Variants in PARN observed in about 807,000 individuals in gnomAD.
The protein encoded by PARN is poly(A)-specific ribonuclease.
In PARN, 71 loss-of-function variants were observed where a neutral mutation model predicts 102.8. That is an observed-to-expected ratio of 0.69 (90% CI 0.57 to 0.84). The LOEUF is 0.84. Among genes scored for constraint, PARN ranks in the 40% least tolerant of loss-of-function variants. The pLI, the probability that PARN is intolerant of heterozygous loss-of-function variation, is 0.00. For synonymous variants in PARN, 261 were observed against 252.9 expected (o/e 1.03, Z -0.30); for missense variants, 782 against 760.9 (o/e 1.03, Z -0.33).
At chr16:14,520,098 A>C (rs1965659192) in intron 21 of PARN, among the ~76,000 whole-genome samples, 1 of 152,256 alleles carries the variant, frequency 6.6e-6, no homozygotes, top group African/African-American at 2.4e-5. Flanking sequence ...AAAGGAGGAC[A>C]AAAGAATATA....
chr16:14,500,636 C>A (rs1289434253), intron 21 of PARN, among the ~76,000 whole-genome samples: 1 of 152,178 alleles, frequency 6.6e-6, no homozygotes, highest in Admixed American at 6.5e-5. Flanking sequence ...GATTCTAATT[C>A]TAAAGTGCTA....
At chr16:14,549,999 G>A (rs1214668458) in intron 21 of PARN, among the ~76,000 whole-genome samples, 1 of 152,088 alleles carries the variant, frequency 6.6e-6, no homozygotes, top group Non-Finnish European at 1.5e-5. Context: ...TCCTTTTATC[G>A]GGCTGCACAG....
In PARN at chr16:14,446,901, C is replaced by T. The variant is rs1961223168; in HGVS notation, c.1851G>A (p.Glu617=). The T allele has an allele frequency of 6.2e-7, 1 of 1,612,370 alleles. No individual in the cohort carries two copies. Among genetic ancestry groups the T allele is most frequent in the Non-Finnish European group, 8.5e-7 (1 of 1,179,044 alleles). Residue 617 remains glutamate, a synonymous_variant, in exon 23 of 24, where the codon GAG becomes GAA. Coordinates refer to ENST00000437198, the MANE Select transcript of PARN (RefSeq NM_002582.4). ...TCCAATACAAACCTGCTGGAGAAAG[C>T]TCCTTCTTCATTCTTTTTAATTTCT... ...KAKKLKRMKK[E]LSPAGSISKN...
intron 10 of PARN, among the ~76,000 whole-genome samples, chr16:14,604,451 G>A (rs1015269875): frequency 1.3e-5 from 2 of 151,698 alleles, no homozygotes; most frequent in Non-Finnish European, 2.9e-5. Context: ...AGTAGAGACG[G>A]AGTTTCTCCA....
At chr16:14,532,623 C>G (rs549351336) in intron 21 of PARN, among the ~76,000 whole-genome samples, 19 of 152,228 alleles carry the variant, frequency 1.2e-4, no homozygotes, top group African/African-American at 4.1e-4. Flanking sequence ...ACCTTTCCCC[C>G]CTTTCTACTC....
At chr16:14,570,730 A>T (rs561867576) in intron 18 of PARN, among the ~76,000 whole-genome samples, 3 of 150,716 alleles carry the variant, frequency 2.0e-5, no homozygotes, top group Non-Finnish European at 4.4e-5. Context: ...GTAATCCCAG[A>T]ACTTTGGGAG....
chr16:14,617,657 C>G lies in PARN; in HGVS notation c.328-7G>C, dbSNP rs1972011983. 6.4e-6 allele frequency: 10 copies of G among 1,561,544 alleles called. No individual in the cohort carries two copies. The highest frequency in any genetic ancestry group is 8.8e-6 in the Non-Finnish European group (10 of 1,132,348). Reference sequence around the variant, plus strand: ...GAAAGTCAATGCTGGAGCTCTGAAACAGAGTAAACAGAACACATGTTTTGG... The same window carrying G: ...GAAAGTCAATGCTGGAGCTCTGAAAGAGAGTAAACAGAACACATGTTTTGG... On this transcript the variant is annotated splice_region_variant and splice_polypyrimidine_tract_variant and intron_variant, in intron 5 of 23. Coordinates refer to ENST00000437198, the MANE Select transcript of PARN (RefSeq NM_002582.4).
rs776415027 is a variant in PARN, at chr16:14,554,033, C to A, written c.1405+32G>T. 4.8e-6 allele frequency: 7 copies of A among 1,461,770 alleles called. No individual in the cohort carries two copies. The East Asian group carries it at 1.6e-4, about 33-fold the overall frequency. 90.5% of individuals were successfully genotyped at this position (1,461,770 alleles called of 1,614,324 possible). A position where few individuals can be genotyped will look rare whatever the true frequency, so the allele number is the denominator to read the frequency against. ...CACCTATACCAAATGAATAGCAAAA[C>A]CCTAAAAAGTACATCTGAACTTGCG... On this transcript the variant is annotated intron_variant, in intron 20 of 23. Transcript: ENST00000437198.
Position 14,630,206 on chromosome 16 carries a change from T to G in PARN, c.-81A>C. The G allele has an allele frequency of 7.8e-7, 1 of 1,287,236 alleles. No individual in the cohort carries two copies. Among genetic ancestry groups the G allele is most frequent in the Non-Finnish European group, 1.1e-6 (1 of 918,018 alleles). The allele number at this position is 1,287,236 out of a possible 1,614,324, so 79.7% of individuals were successfully genotyped here. A position where few individuals can be genotyped will look rare whatever the true frequency, so the allele number is the denominator to read the frequency against. On this transcript the variant is annotated 5_prime_UTR_variant, in exon 1 of 24. Coordinates refer to ENST00000437198, the MANE Select transcript of PARN (RefSeq NM_002582.4). ...TCTACTCGCCGAATTCCGCGGCGAC[T>G]GCGGCAGTAGCTGAGGCAGCCGCAG...
At chr16:14,485,782 G>A (rs1257809065) in intron 21 of PARN, among the ~76,000 whole-genome samples, 1 of 152,070 alleles carries the variant, frequency 6.6e-6, no homozygotes, top group Non-Finnish European at 1.5e-5. Context: ...CCGCCTCCCG[G>A]GTTCAAGTGA....
chr16:14,630,235 T>G lies in PARN; in HGVS notation c.-110A>C. On this transcript the variant is annotated 5_prime_UTR_variant, in exon 1 of 24. Coordinates refer to ENST00000437198, the MANE Select transcript of PARN (RefSeq NM_002582.4). ...GCAGTAGCTGAGGCAGCCGCAGCGG[T>G]GACGCCGGCCGCGACTTCCGGAAAC... 1.0e-6 allele frequency: 1 copy of G among 967,864 alleles called. No individual in the cohort carries two copies. Among genetic ancestry groups the G allele is most frequent in the Non-Finnish European group, 1.5e-6 (1 of 650,970 alleles). 60.0% of individuals were successfully genotyped at this position (967,864 alleles called of 1,614,324 possible).
intron 6 of PARN, among the ~76,000 whole-genome samples, chr16:14,611,255 A>G (rs1270890564): frequency 2.6e-5 from 4 of 152,200 alleles, no homozygotes; most frequent in African/African-American, 4.8e-5. Context: ...AGGAGCAGCA[A>G]GGAGCTGGTG....
At chr16:14,570,399 T>C (rs1420861334) in intron 18 of PARN, among the ~76,000 whole-genome samples, 2 of 129,148 alleles carry the variant, frequency 1.5e-5, no homozygotes, top group South Asian at 5.3e-4. Flanking sequence ...CCTGCTGTAA[T>C]CCCACCACTT....
chr16:14,548,324 T>C (rs1212702552), intron 21 of PARN, among the ~76,000 whole-genome samples: 1 of 152,058 alleles, frequency 6.6e-6, no homozygotes, highest in Admixed American at 6.6e-5. Flanking sequence ...ATCACCATTA[T>C]AAAGAACAAA....
In PARN at chr16:14,584,809, C is replaced by A; in HGVS notation, c.963-18G>T. The stretch of plus-strand genomic sequence containing the variant: ...CCAAGAGTCTAAAAAGAATTTTTAA[C>A]AAGGTAAACAAAATGTATATCAATG... On this transcript the variant is annotated intron_variant, in intron 14 of 23. Transcript: ENST00000437198. The A allele has an allele frequency of 2.1e-6, 3 of 1,448,952 alleles. No individual in the cohort carries two copies. Among genetic ancestry groups the A allele is most frequent in the Admixed American group, 2.4e-5 (1 of 42,216 alleles). 89.8% of individuals were successfully genotyped at this position (1,448,952 alleles called of 1,614,324 possible). A position where few individuals can be genotyped will look rare whatever the true frequency, so the allele number is the denominator to read the frequency against.
In PARN at chr16:14,630,219, G is replaced by A. The variant is rs1972964732; in HGVS notation, c.-94C>T. ...TTCCGCGGCGACTGCGGCAGTAGCT[G>A]AGGCAGCCGCAGCGGTGACGCCGGC... On this transcript the variant is annotated 5_prime_UTR_variant, in exon 1 of 24. Coordinates refer to ENST00000437198, the MANE Select transcript of PARN (RefSeq NM_002582.4). 7.9e-6 allele frequency: 9 copies of A among 1,146,392 alleles called. No individual in the cohort carries two copies. The South Asian group carries it at 9.8e-5, about 12-fold the overall frequency. 71.0% of individuals were successfully genotyped at this position (1,146,392 alleles called of 1,614,324 possible).
chr16:14,629,785 C>G, intron 1 of PARN, 111 bp from the exon 2 acceptor site: 1 of 843,930 alleles, frequency 1.2e-6, no homozygotes, highest in South Asian at 1.4e-5. Context: ...GGGGAAAAGT[C>G]CCGGAGGTGT....
chr16:14,598,365 T>G (rs1189416573), intron 12 of PARN, among the ~76,000 whole-genome samples: 2 of 152,076 alleles, frequency 1.3e-5, no homozygotes, highest in Admixed American at 6.6e-5. Flanking sequence ...TACAGCAAGC[T>G]AAGGTATCCG....
At chr16:14,576,611 G>A (rs1189271938) in intron 18 of PARN, among the ~76,000 whole-genome samples, 1 of 152,166 alleles carries the variant, frequency 6.6e-6, no homozygotes, top group African/African-American at 2.4e-5. Flanking sequence ...ATTAAGTTTG[G>A]TTTTCAATGC....
Sources: gnomAD v4.1 joint callset for allele counts (sites outside exome capture counted in the v4.1 genomes callset) on GRCh38, gnomAD v4.1.1 for gene constraint, MANE v1.5 for transcripts, NCBI Gene and HGNC (gene_info 2026-07-23, HGNC 2026-07-21) for gene names.